Variants in MYOM1 observed in about 807,000 individuals in gnomAD.
The protein encoded by MYOM1 is myomesin-1.
In MYOM1, 164 loss-of-function variants were observed where a neutral mutation model predicts 205.3. The observed-to-expected ratio is 0.80, with a 90% confidence interval of 0.70 to 0.91. MYOM1 has a LOEUF of 0.91. Ranked by LOEUF, MYOM1 falls within the 40% of genes least tolerant of loss-of-function variation. The probability of loss-of-function intolerance (pLI) is 0.00; values close to 1 mark genes in which losing one functional copy is unlikely to be tolerated. For synonymous variants in MYOM1, 772 were observed against 789.4 expected (o/e 0.98, Z 0.37); for missense variants, 2,011 against 2,127.3 (o/e 0.95, Z 1.08).
chr18:3,185,964 G>T (rs974296159), intron 5 of MYOM1, among the ~76,000 whole-genome samples: 1 of 152,210 alleles, frequency 6.6e-6, no homozygotes, highest in African/African-American at 2.4e-5. Flanking sequence ...GGGAGGCCGA[G>T]GTGGGCAAAT....
intron 2 of MYOM1, among the ~76,000 whole-genome samples, chr18:3,199,119 T>C (rs2081032354): frequency 6.6e-6 from 1 of 152,156 alleles, no homozygotes. Flanking sequence ...TCCCATCCCT[T>C]ACCCCCAGCT....
intron 13 of MYOM1, among the ~76,000 whole-genome samples, chr18:3,148,774 A>G (rs964986796): frequency 3.1e-5 from 4 of 127,304 alleles, no homozygotes; most frequent in South Asian, 2.7e-4. Context: ...TGAACCCGGG[A>G]GGCGGAGCTT....
Position 3,102,746 on chromosome 18 carries a change from G to A in MYOM1, c.3419-116C>T, listed in dbSNP as rs948828484. 20 of 1,089,352 alleles carry A rather than the reference G, an allele frequency of 1.8e-5. No homozygotes were observed. The African/African-American group carries it at 2.4e-4, about 13-fold the overall frequency. 67.5% of individuals were successfully genotyped at this position (1,089,352 alleles called of 1,614,324 possible). ...AAGTAGGGCCCTGATCCTAGGTCAGGGAAAAGCTTCACTACTCATGCAGGT... is the reference window on the plus strand; with the variant it reads ...AAGTAGGGCCCTGATCCTAGGTCAGAGAAAAGCTTCACTACTCATGCAGGT... On this transcript the variant is annotated intron_variant, in intron 22 of 37. Transcript: ENST00000356443.
intron 2 of MYOM1, among the ~76,000 whole-genome samples, chr18:3,210,759 CTG>C (rs2081181875): frequency 6.6e-6 from 1 of 152,168 alleles, no homozygotes; most frequent in African/African-American, 2.4e-5. Flanking sequence ...GAGTTGCTGA[CTG>C]TAACTGGCAT....
rs541166567 is a variant in MYOM1 at position 3,155,472 on chromosome 18, C to T, written c.1502-384G>A. Among the ~76,000 whole-genome samples, 4 of 152,330 alleles carry T rather than the reference C, an allele frequency of 2.6e-5. No homozygotes were observed. In the East Asian group the frequency reaches 5.8e-4, roughly 22 times the overall value. On this transcript the variant is annotated intron_variant, in intron 10 of 37. Coordinates refer to ENST00000356443, the MANE Select transcript of MYOM1 (RefSeq NM_003803.4). ...ATCTCCTGACCTTGTGATCCGCCCG[C>T]CTCGGCCTCCCAAAGTGCTGGGATT...
intron 10 of MYOM1, among the ~76,000 whole-genome samples, chr18:3,162,975 G>A (rs1222691299): frequency 1.3e-5 from 2 of 148,740 alleles, no homozygotes; most frequent in Non-Finnish European, 3.0e-5. Context: ...GCAGTGAGCC[G>A]AGATCAAGCC....
chr18:3,133,665 G>T (rs1037795347), intron 16 of MYOM1, among the ~76,000 whole-genome samples: 1 of 151,882 alleles, frequency 6.6e-6, no homozygotes, highest in South Asian at 2.1e-4. Context: ...CTAATATCAC[G>T]TTGCATATTA....
At chr18:3,190,976 G>A (rs1489943672) in intron 3 of MYOM1, among the ~76,000 whole-genome samples, 8 of 151,380 alleles carry the variant, frequency 5.3e-5, no homozygotes, top group Admixed American at 4.6e-4. Flanking sequence ...GCTAAACTTC[G>A]AAAAAAAACT....
chr18:3,147,042 A>AATATTATATATTATATATAATATAT (rs1567932924), intron 13 of MYOM1, among the ~76,000 whole-genome samples: 1 of 142,654 alleles, frequency 7.0e-6, no homozygotes, highest in African/African-American at 2.7e-5. Context: ...ATTATATATA[A>AATATTATATATTATATATAATATAT]ATATTATATA....
the MYOM1 span, chr18:3,247,346 C>G: frequency 6.6e-6 from 1 of 152,322 alleles, no homozygotes; most frequent in Non-Finnish European, 1.5e-5. Flanking sequence ...GAGACCCAGA[C>G]CCCGCGCGGG....
intron 5 of MYOM1, among the ~76,000 whole-genome samples, chr18:3,184,097 G>A (rs556003528): frequency 3.9e-5 from 6 of 152,072 alleles, no homozygotes; most frequent in Non-Finnish European, 8.8e-5. Flanking sequence ...GTAGAGACAC[G>A]TTTTCTCCAT....
chr18:3,222,772 A>G (rs1238661847), upstream of MYOM1, among the ~76,000 whole-genome samples: 1 of 152,190 alleles, frequency 6.6e-6, no homozygotes, highest in East Asian at 1.9e-4. Flanking sequence ...GTTGAGAGGC[A>G]GCATAGTATC....
At chr18:3,168,159 T>A (rs1477105837) in intron 9 of MYOM1, among the ~76,000 whole-genome samples, 1 of 152,016 alleles carries the variant, frequency 6.6e-6, no homozygotes, top group Non-Finnish European at 1.5e-5. Flanking sequence ...AATGTACTCT[T>A]CTGGTTAATT....
At chr18:3,220,051 A>T (rs771172134), upstream of MYOM1, 1 of 152,296 alleles carries the variant, frequency 6.6e-6, no homozygotes, top group Non-Finnish European at 1.5e-5. Flanking sequence ...GTTCCAAACC[A>T]GGAGGAGGAG....
intron 8 of MYOM1, 100 bp downstream of exon 8, chr18:3,173,838 A>C: frequency 7.7e-6 from 8 of 1,044,736 alleles, no homozygotes; most frequent in African/African-American, 1.6e-5. Flanking sequence ...AGCATATACT[A>C]TGTTATATAT....
rs201409582 is a variant in MYOM1 at position 3,187,587 on chromosome 18, G to C, written c.822C>G (p.Leu274=). Residue 274 remains leucine (L), a synonymous_variant, in exon 5 of 38, where the codon CTC becomes CTG. Transcript: ENST00000356443. ...GTTTAATGATAAACTCAGGAGCATG[G>C]AGAAGATGGTCTTCATTCAGCTTGG... ...YHAKLNEDHL[L]HAPEFIIKPR... 1 of 1,613,290 alleles carries C rather than the reference G, an allele frequency of 6.2e-7. No homozygotes were observed. Among genetic ancestry groups the C allele is most frequent in the Non-Finnish European group, 8.5e-7 (1 of 1,179,504 alleles).
intron 19 of MYOM1, among the ~76,000 whole-genome samples, chr18:3,124,388 C>T (rs1010028003): frequency 4.7e-5 from 7 of 149,452 alleles, no homozygotes; most frequent in Admixed American, 6.7e-5. Flanking sequence ...CTGCAAGCTC[C>T]GCCTCCCAGG....
At chr18:3,242,553 G>C in the MYOM1 span, among the ~76,000 whole-genome samples, 1 of 152,108 alleles carries the variant, frequency 6.6e-6, no homozygotes, top group African/African-American at 2.4e-5. Flanking sequence ...CTGTAGCCCA[G>C]GCTTGAGGGC....
intron 22 of MYOM1, among the ~76,000 whole-genome samples, chr18:3,110,124 CTGATA>C (rs2079504639): frequency 1.3e-5 from 2 of 152,308 alleles, no homozygotes; most frequent in Middle Eastern, 3.4e-3. Context: ...ATTTTGTAAT[CTGATA>C]TGATAATTCT....
Sources: allele counts gnomAD v4.1 joint callset (sites outside exome capture counted in the v4.1 genomes callset), GRCh38; gene constraint gnomAD v4.1.1; transcripts MANE v1.5; gene names NCBI Gene and HGNC (gene_info 2026-07-23, HGNC 2026-07-21).